The following FGF14 variants were observed in gnomAD, a reference collection of about 807,000 sequenced individuals.
The protein encoded by FGF14 is fibroblast growth factor homologous factor 4.
FGF14 carries 5 observed loss-of-function variants against 25.5 expected under a neutral mutation model. The observed-to-expected ratio is 0.20, with a 90% CI of 0.10 to 0.41. FGF14 has a LOEUF of 0.41. FGF14 is among the 10% of genes least tolerant of loss of function. FGF14 has a pLI of 1.00. For synonymous variants in FGF14, 138 were observed against 118.3 expected, an observed-to-expected ratio of 1.17 and a Z score of -1.08; for missense variants, 222 against 320.1, an observed-to-expected ratio of 0.69 and a Z score of 2.34.
intron 1 of FGF14, among the ~76,000 whole-genome samples, chr13:102,036,047 G>A (rs1034919734): frequency 6.6e-6 from 1 of 152,126 alleles, no homozygotes; most frequent in African/African-American, 2.4e-5. Flanking sequence ...GCTGTAAGCT[G>A]GAGAGGGGAT....
intron 3 of FGF14, among the ~76,000 whole-genome samples, chr13:101,863,514 T>C (rs1008420298): frequency 2.6e-5 from 4 of 152,108 alleles, no homozygotes; most frequent in African/African-American, 9.7e-5. Flanking sequence ...AATGTCTGAG[T>C]AAATAGTGAA....
intron 1 of FGF14, among the ~76,000 whole-genome samples, chr13:102,310,704 G>A (rs1390174641): frequency 1.6e-5 from 1 of 60,654 alleles, no homozygotes. Flanking sequence ...TGTGGGGGGG[G>A]GGGGGTGGGG....
rs528180366 is a variant in FGF14 at position 102,226,763 on chromosome 13, G to T, written c.208+174708C>A. Among the ~76,000 whole-genome samples the T allele has an allele frequency of 2.0e-5, 3 of 152,156 alleles. No individual in the cohort carries two copies. The South Asian group carries it at 6.2e-4, about 32-fold the overall frequency. On this transcript the variant is annotated intron_variant, in intron 1 of 4. Coordinates refer to the FGF14 transcript ENST00000376131. ...GATGGTTCTCAAATCTATGTCTGCAGCCCACTTAAGCCAAATCTTTATTTC... is the reference window on the plus strand; with the variant it reads ...GATGGTTCTCAAATCTATGTCTGCATCCCACTTAAGCCAAATCTTTATTTC...
chr13:101,928,086 T>C (rs904100818), intron 1 of FGF14, among the ~76,000 whole-genome samples: 1 of 152,218 alleles, frequency 6.6e-6, no homozygotes, highest in African/African-American at 2.4e-5. Context: ...AAAGAGGCCC[T>C]GTGGGCAGAG....
intron 3 of FGF14, among the ~76,000 whole-genome samples, chr13:101,733,416 G>C (rs2035942658): frequency 6.6e-6 from 1 of 151,968 alleles, no homozygotes; most frequent in Non-Finnish European, 1.5e-5. Flanking sequence ...CCAACATGGT[G>C]AAACCCCATC....
At chr13:102,350,680 G>A (rs1159458128) in intron 1 of FGF14, among the ~76,000 whole-genome samples, 2 of 152,208 alleles carry the variant, frequency 1.3e-5, no homozygotes, top group Non-Finnish European at 2.9e-5. Context: ...TGACCAGTCA[G>A]CCGACAAGCA....
chr13:102,256,707 C>T (rs2052456891), intron 1 of FGF14, among the ~76,000 whole-genome samples: 2 of 152,142 alleles, frequency 1.3e-5, no homozygotes, highest in African/African-American at 4.8e-5. Flanking sequence ...ATATAACTTA[C>T]TAGTAATTGC....
chr13:101,940,624 A>G (rs1281482580), intron 1 of FGF14, among the ~76,000 whole-genome samples: 1 of 152,308 alleles, frequency 6.6e-6, no homozygotes, highest in East Asian at 1.9e-4. Context: ...TCCAATCTAA[A>G]GTAACTGACA....
At chr13:102,018,162 A>G (rs1486543449) in intron 1 of FGF14, among the ~76,000 whole-genome samples, 1 of 152,128 alleles carries the variant, frequency 6.6e-6, no homozygotes, top group Non-Finnish European at 1.5e-5. Context: ...TATGCTTATC[A>G]TAACCTATCT....
intron 3 of FGF14, among the ~76,000 whole-genome samples, chr13:101,857,653 C>T (rs2044195216): frequency 6.6e-6 from 1 of 151,980 alleles, no homozygotes; most frequent in Non-Finnish European, 1.5e-5. Flanking sequence ...ATGTAGTGAG[C>T]ATGGAACTCA....
intron 1 of FGF14, among the ~76,000 whole-genome samples, chr13:101,961,847 C>A (rs918347051): frequency 3.9e-5 from 6 of 152,190 alleles, no homozygotes; most frequent in Admixed American, 3.9e-4. Flanking sequence ...GTCAATTAAA[C>A]CTCTTTCCTT....
intron 1 of FGF14, among the ~76,000 whole-genome samples, chr13:102,286,245 C>A (rs2054092126): frequency 6.6e-6 from 1 of 152,108 alleles, no homozygotes; most frequent in Non-Finnish European, 1.5e-5. Context: ...GCACCAACTT[C>A]CCTGACCACG....
intron 1 of FGF14, among the ~76,000 whole-genome samples, chr13:101,969,339 G>A (rs568363826): frequency 5.3e-5 from 8 of 152,246 alleles, no homozygotes; most frequent in Admixed American, 3.9e-4. Context: ...CGAGGTGGGC[G>A]GATCACAAGG....
intron 3 of FGF14, among the ~76,000 whole-genome samples, chr13:101,772,722 T>A (rs2038857316): frequency 6.6e-6 from 1 of 152,110 alleles, no homozygotes; most frequent in Non-Finnish European, 1.5e-5. Context: ...TTCTTCAAGT[T>A]CAAAGACTAA....
In FGF14 at chr13:102,400,508, G is replaced by C. The variant is rs560917882; in HGVS notation, c.208+963C>G. Among the ~76,000 whole-genome samples the C allele has an allele frequency of 6.6e-6, 1 of 152,328 alleles. No homozygotes were observed. The highest frequency in any genetic ancestry group is 2.4e-5 in the African/African-American group (1 of 41,578). On this transcript the variant is annotated intron_variant, in intron 1 of 4. Coordinates refer to the FGF14 transcript ENST00000376131. The surrounding 1 kb of genome is among the most constrained non-coding windows in gnomAD (Gnocchi z 4.3). ...CCACCACCATGCAGCCCTCCAGCCT[G>C]CCTCCCCTGGGTTGCTCGCCCACAG...
intron 1 of FGF14, among the ~76,000 whole-genome samples, chr13:102,308,423 T>C (rs186815764): frequency 6.6e-6 from 1 of 152,180 alleles, no homozygotes; most frequent in African/African-American, 2.4e-5. Context: ...TACTGATTTA[T>C]ACTTTATAAC....
intron 1 of FGF14, among the ~76,000 whole-genome samples, chr13:102,238,427 T>A (rs1037612848): frequency 6.6e-6 from 1 of 152,224 alleles, no homozygotes; most frequent in Non-Finnish European, 1.5e-5. Context: ...CTCTAAACTG[T>A]AGAAGATACA....
At chr13:102,300,938 TACACACACACACACACACAC>T (rs3066020) in intron 1 of FGF14, among the ~76,000 whole-genome samples, 1 of 76,876 alleles carries the variant, frequency 1.3e-5, no homozygotes, top group African/African-American at 4.7e-5. Context: ...CACACACACA[TACACACACACACACACACAC>T]ACACACGTTT....
intron 1 of FGF14, among the ~76,000 whole-genome samples, chr13:102,008,288 C>T (rs2039907456): frequency 6.6e-6 from 1 of 152,134 alleles, no homozygotes; most frequent in African/African-American, 2.4e-5. Flanking sequence ...ACATATTGAT[C>T]CACAGCTACT....
Sources: gnomAD v4.1 joint callset for allele counts (sites outside exome capture counted in the v4.1 genomes callset) on GRCh38, gnomAD v4.1.1 for gene constraint, Gnocchi (gnomAD v3.1) non-coding constraint, MANE v1.5 for transcripts, NCBI Gene and HGNC (gene_info 2026-07-23, HGNC 2026-07-21) for gene names.